Variants in ATP2C1 observed in about 807,000 individuals in gnomAD.
ATP2C1 encodes calcium-transporting ATPase type 2C member 1.
In ATP2C1, 31 loss-of-function variants were observed where a neutral mutation model predicts 120.5. That is an observed-to-expected ratio of 0.26 (90% CI 0.19 to 0.35). ATP2C1 has a LOEUF of 0.35. Among genes scored for constraint, ATP2C1 ranks in the 10% least tolerant of loss-of-function variants. The pLI is 1.00. For synonymous variants in ATP2C1, 351 were observed against 358.7 expected (o/e 0.98, Z 0.24); for missense variants, 731 against 1,107.5 (o/e 0.66, Z 4.83).
intron 2 of ATP2C1, chr3:130,918,308 T>G: frequency 6.4e-7 from 1 of 1,562,446 alleles, no homozygotes; most frequent in South Asian, 1.1e-5. Flanking sequence ...ACAATAGATT[T>G]CACCTTCTTT....
intron 19 of ATP2C1, among the ~76,000 whole-genome samples, chr3:130,979,815 A>G (rs911410279): frequency 6.6e-6 from 1 of 152,200 alleles, no homozygotes; most frequent in African/African-American, 2.4e-5. Context: ...AGCTTGTTAT[A>G]TGTATTTGTT....
chr3:130,964,488 G>C (rs543140163), intron 13 of ATP2C1, among the ~76,000 whole-genome samples: 2 of 152,114 alleles, frequency 1.3e-5, no homozygotes, highest in South Asian at 4.1e-4. Flanking sequence ...TTATATTGCT[G>C]TAACAAAACT....
chr3:130,897,654 G>A (rs955491009), intron 2 of ATP2C1, among the ~76,000 whole-genome samples: 16 of 152,288 alleles, frequency 1.1e-4, no homozygotes, highest in African/African-American at 3.6e-4. Flanking sequence ...TTTCATCCAT[G>A]TGTTGGTTCC....
intron 2 of ATP2C1, among the ~76,000 whole-genome samples, chr3:130,902,345 A>G (rs371689803): frequency 3.2e-4 from 40 of 124,044 alleles, no homozygotes; most frequent in Non-Finnish European, 4.9e-4. Flanking sequence ...TGGGATGCCT[A>G]GGAAACATAG....
rs773906099 is a variant in ATP2C1, at chr3:130,969,414, G to A, written c.1413+18G>A. ...CACAGCAGGTATCCATCTGTTTAAA[G>A]AATACTTATTTCCTGTTTAGCTTAG... is the stretch of plus-strand genomic sequence containing the variant. On this transcript the variant is annotated intron_variant, in intron 17 of 27. Transcript: ENST00000510168. 1 of 1,586,436 alleles carries A rather than the reference G, an allele frequency of 6.3e-7. No individual in the cohort carries two copies. Among genetic ancestry groups the A allele is most frequent in the South Asian group, 1.1e-5 (1 of 90,390 alleles).
intron 26 of ATP2C1, among the ~76,000 whole-genome samples, chr3:131,008,705 A>G (rs2063207348): frequency 6.6e-6 from 1 of 152,198 alleles, no homozygotes; most frequent in Admixed American, 6.5e-5. Flanking sequence ...AGAGGAAAAT[A>G]GGCCCTGTAC....
intron 20 of ATP2C1, among the ~76,000 whole-genome samples, chr3:130,991,660 C>A (rs374178276): frequency 9.2e-5 from 14 of 151,928 alleles, no homozygotes; most frequent in African/African-American, 3.1e-4. Flanking sequence ...TGTATACTGA[C>A]GGTAAAGATA....
At position 130,894,782 on chromosome 3, in the gene ATP2C1, G is replaced by T; in HGVS notation, c.6+7G>T. The T allele has an allele frequency of 1.2e-6, 2 of 1,613,948 alleles. No homozygotes were observed. The highest frequency in any genetic ancestry group is 1.7e-6 in the Non-Finnish European group (2 of 1,179,818). On this transcript the variant is annotated splice_region_variant and intron_variant, in intron 2 of 27. Coordinates refer to ENST00000510168, the MANE Select transcript of ATP2C1 (RefSeq NM_001378687.1). The surrounding 1 kb of genome is among the most constrained non-coding windows in gnomAD (Gnocchi z 4.5). ...GTTTCGATGGAAAATGAAGGTAAAG[G>T]CCCCTGGCCGACCGGTTGCAACGCG...
intron 3 of ATP2C1, among the ~76,000 whole-genome samples, chr3:130,931,141 T>C (rs1214709292): frequency 6.6e-6 from 1 of 152,124 alleles, no homozygotes; most frequent in Admixed American, 6.5e-5. Flanking sequence ...TAGGTTTTTG[T>C]TGTTGTTGTT....
chr3:130,969,435 CTTAGA>C (rs1559989989), intron 17 of ATP2C1, 39 bp downstream of exon 17: 1 of 1,493,776 alleles, frequency 6.7e-7, no homozygotes, highest in Admixed American at 1.7e-5. Context: ...TCCTGTTTAG[CTTAGA>C]TGACTATTTT....
chr3:130,988,560 C>T (rs72985796), intron 20 of ATP2C1, among the ~76,000 whole-genome samples: 9 of 152,208 alleles, frequency 5.9e-5, no homozygotes, highest in African/African-American at 1.7e-4. Flanking sequence ...CATCTAACTT[C>T]GGGACAGCCA....
intron 2 of ATP2C1, among the ~76,000 whole-genome samples, chr3:130,897,842 A>G (rs1310113497): frequency 6.6e-6 from 1 of 152,128 alleles, no homozygotes; most frequent in Non-Finnish European, 1.5e-5. Context: ...ATTTCCTGGA[A>G]TTTTTGGACT....
intron 2 of ATP2C1, among the ~76,000 whole-genome samples, chr3:130,922,123 G>T (rs1211934685): frequency 6.6e-6 from 1 of 151,884 alleles, no homozygotes; most frequent in Non-Finnish European, 1.5e-5. Flanking sequence ...TTTCATTCCT[G>T]TTTCAGTCTC....
intron 26 of ATP2C1, chr3:131,014,496 T>TTGTTTAGA: frequency 9.8e-7 from 1 of 1,018,222 alleles, no homozygotes; most frequent in Non-Finnish European, 1.4e-6. Context: ...AGAGCTCTTA[T>TTGTTTAGA]TGCTCTATAA....
At position 130,881,080 on chromosome 3, in the gene ATP2C1, C is replaced by T. The variant is rs1011634477; in HGVS notation, c.108+30152C>T. Reference sequence around the variant, plus strand: ...TGCTACCTTTCCCAAAGCACTCCCACATCCCAGTGTGCAGCAGGATAAAGA... The same window carrying T: ...TGCTACCTTTCCCAAAGCACTCCCATATCCCAGTGTGCAGCAGGATAAAGA... On this transcript the variant is annotated intron_variant, in intron 1 of 26. Coordinates refer to the ATP2C1 transcript ENST00000504381. Among the ~76,000 whole-genome samples, 3 of 152,180 alleles carry T rather than the reference C, an allele frequency of 2.0e-5. No homozygotes were observed. In the South Asian group the frequency reaches 6.2e-4, roughly 31 times the overall value.
chr3:130,991,669 T>TA (rs1370511797), intron 20 of ATP2C1, among the ~76,000 whole-genome samples: 1 of 152,186 alleles, frequency 6.6e-6, no homozygotes, highest in African/African-American at 2.4e-5. Context: ...ACGGTAAAGA[T>TA]ATAGCAGTGA....
intron 22 of ATP2C1, among the ~76,000 whole-genome samples, chr3:130,994,349 G>C (rs1314698071): frequency 2.0e-5 from 3 of 152,054 alleles, no homozygotes; most frequent in Non-Finnish European, 4.4e-5. Flanking sequence ...ACCTTTTTCT[G>C]GGCACTAATA....
intron 1 of ATP2C1, among the ~76,000 whole-genome samples, chr3:130,864,695 A>G (rs2068112365): frequency 6.6e-6 from 1 of 152,242 alleles, no homozygotes; most frequent in Non-Finnish European, 1.5e-5. Context: ...AGCTCAGGCT[A>G]TGGCTTCAGA....
upstream of ATP2C1, among the ~76,000 whole-genome samples, chr3:130,893,631 T>A (rs1314752836): frequency 6.6e-6 from 1 of 152,192 alleles, no homozygotes; most frequent in Non-Finnish European, 1.5e-5. Context: ...CGGGAGCAGC[T>A]TCCCCTACAG....
Sources: allele counts gnomAD v4.1 joint callset (sites outside exome capture counted in the v4.1 genomes callset), GRCh38; gene constraint gnomAD v4.1.1; non-coding constraint Gnocchi (gnomAD v3.1); transcripts MANE v1.5; gene names NCBI Gene and HGNC (gene_info 2026-07-23, HGNC 2026-07-21).